The following KPNA3 variants were observed in gnomAD, a reference collection of about 807,000 sequenced individuals.
The protein encoded by KPNA3 is importin subunit alpha-4.
Under a neutral mutation model 73.8 loss-of-function variants are expected in KPNA3, and 13 were observed. The ratio of observed to expected loss-of-function variants is 0.18; its 90% CI spans 0.11 to 0.28. The LOEUF is 0.28. Ranked by LOEUF, KPNA3 falls within the 10% of genes least tolerant of loss-of-function variation. The pLI, the probability that KPNA3 is intolerant of heterozygous loss-of-function variation, is 1.00. For synonymous variants in KPNA3, 186 were observed against 206.9 expected, an observed-to-expected ratio of 0.90 and a Z score of 0.87; for missense variants, 360 against 618.1, an observed-to-expected ratio of 0.58 and a Z score of 4.43.
chr13:49,717,604 T>C (rs1204766904), intron 10 of KPNA3, among the ~76,000 whole-genome samples: 1 of 152,186 alleles, frequency 6.6e-6, no homozygotes, highest in African/African-American at 2.4e-5. Context: ...GAAAATCCTA[T>C]TCATCCTAGT....
chr13:49,770,696 T>C (rs1195537058), intron 1 of KPNA3, among the ~76,000 whole-genome samples: 1 of 152,124 alleles, frequency 6.6e-6, no homozygotes, highest in Non-Finnish European at 1.5e-5. Flanking sequence ...GAGTTGGTTT[T>C]TGCATACTGT....
At chr13:49,741,954 G>A (rs1954578216) in intron 2 of KPNA3, among the ~76,000 whole-genome samples, 1 of 152,074 alleles carries the variant, frequency 6.6e-6, no homozygotes, top group Non-Finnish European at 1.5e-5. Flanking sequence ...GTCATATCCA[G>A]GAAAACATTG....
intron 2 of KPNA3, among the ~76,000 whole-genome samples, chr13:49,735,752 T>G (rs1478235254): frequency 6.6e-6 from 1 of 152,206 alleles, no homozygotes; most frequent in African/African-American, 2.4e-5. Flanking sequence ...CACGTATGCA[T>G]GTATCTACCT....
chr13:49,772,707 G>A (rs889150215), intron 1 of KPNA3, among the ~76,000 whole-genome samples: 3 of 152,174 alleles, frequency 2.0e-5, no homozygotes, highest in African/African-American at 7.2e-5. Flanking sequence ...GGAGGCTGAG[G>A]CAGGAGAATT....
At chr13:49,773,867 G>A (rs865785330) in intron 1 of KPNA3, among the ~76,000 whole-genome samples, 5 of 152,144 alleles carry the variant, frequency 3.3e-5, no homozygotes, top group Non-Finnish European at 1.5e-5. Context: ...AAAGGAAGAA[G>A]TAACCATATT....
chr13:49,706,579 G>T lies in KPNA3; in HGVS notation c.1033-207C>A, dbSNP rs114100746. On this transcript the variant is annotated intron_variant, in intron 12 of 16. Transcript: ENST00000261667. ...ATTATATTTGGGCTCCAATAACCTG[G>T]CATTTATCCATTCATTAATATATAG... Among the ~76,000 whole-genome samples the T allele has an allele frequency of 6.9e-3, 1,049 of 152,046 alleles. 12 individuals are homozygous for T. The highest frequency in any genetic ancestry group is 0.024 in the African/African-American group (1,006 of 41,448).
chr13:49,740,577 A>G (rs1566346565), intron 2 of KPNA3, among the ~76,000 whole-genome samples: 1 of 152,190 alleles, frequency 6.6e-6, no homozygotes, highest in Admixed American at 6.5e-5. Flanking sequence ...GTCTGCTGTC[A>G]TATGGGATGT....
chr13:49,784,858 T>C (rs1188604317), intron 1 of KPNA3, among the ~76,000 whole-genome samples: 2 of 152,154 alleles, frequency 1.3e-5, no homozygotes, highest in Non-Finnish European at 2.9e-5. Flanking sequence ...GTCTGTGCCC[T>C]CAAAAAGCTC....
chr13:49,777,546 G>A (rs566146752), intron 1 of KPNA3, among the ~76,000 whole-genome samples: 1 of 152,128 alleles, frequency 6.6e-6, no homozygotes, highest in South Asian at 2.1e-4. Context: ...ACTCTGTCAC[G>A]TGGGCTGGAG....
In KPNA3 at chr13:49,732,735, T is replaced by G. The variant is rs763822618; in HGVS notation, c.234+12A>C. 6.3e-7 allele frequency: 1 copy of G among 1,587,182 alleles called. No individual in the cohort carries two copies. The highest frequency in any genetic ancestry group is 2.2e-5 in the East Asian group (1 of 44,678). On this transcript the variant is annotated intron_variant, in intron 4 of 16. Transcript: ENST00000261667. ...AATACTTCAAAACGAGAGTATTAATTTAGTAACATACCTGCAATATAGCTT... is the reference window on the plus strand; with the variant it reads ...AATACTTCAAAACGAGAGTATTAATGTAGTAACATACCTGCAATATAGCTT...
chr13:49,718,542 T>C (rs1954325969), intron 10 of KPNA3, among the ~76,000 whole-genome samples: 1 of 152,224 alleles, frequency 6.6e-6, no homozygotes, highest in Admixed American at 6.5e-5. Context: ...ATTTTGCTTA[T>C]TCCCCTTTTA....
chr13:49,759,854 C>T (rs1218525781), intron 1 of KPNA3, among the ~76,000 whole-genome samples: 1 of 152,152 alleles, frequency 6.6e-6, no homozygotes, highest in African/African-American at 2.4e-5. Flanking sequence ...TTGGGGATCC[C>T]TGGTCTAGCT....
intron 1 of KPNA3, among the ~76,000 whole-genome samples, chr13:49,748,368 G>A (rs758313617): frequency 3.2e-4 from 48 of 152,020 alleles, no homozygotes; most frequent in Admixed American, 7.9e-4. Flanking sequence ...GGGAAACACT[G>A]AAATAATATA....
chr13:49,753,931 A>G (rs1453040229), intron 1 of KPNA3, among the ~76,000 whole-genome samples: 1 of 152,250 alleles, frequency 6.6e-6, no homozygotes, highest in Non-Finnish European at 1.5e-5. Flanking sequence ...GAAAAAATAC[A>G]GTATTTAACT....
intron 1 of KPNA3, among the ~76,000 whole-genome samples, chr13:49,775,507 A>G (rs768222959): frequency 2.6e-5 from 4 of 152,148 alleles, no homozygotes; most frequent in Non-Finnish European, 4.4e-5. Flanking sequence ...ATGGCTGTAC[A>G]CTGTCACAAA....
chr13:49,728,127 CG>C (rs536043081), intron 6 of KPNA3, among the ~76,000 whole-genome samples: 124 of 151,112 alleles, frequency 8.2e-4, no homozygotes, highest in Admixed American at 2.2e-3. Context: ...CCCAGCTACT[CG>C]GGAGGCTGAG....
At chr13:49,786,493 T>G (rs1159834509) in intron 1 of KPNA3, among the ~76,000 whole-genome samples, 1 of 151,680 alleles carries the variant, frequency 6.6e-6, no homozygotes, top group Non-Finnish European at 1.5e-5. Context: ...ACTTTTAAAG[T>G]TTTTTTTTGT....
At chr13:49,789,923 T>C (rs1234075726) in intron 1 of KPNA3, among the ~76,000 whole-genome samples, 1 of 152,168 alleles carries the variant, frequency 6.6e-6, no homozygotes, top group Non-Finnish European at 1.5e-5. Context: ...CCAGAGTATC[T>C]TCCCTTTCTG....
intron 6 of KPNA3, among the ~76,000 whole-genome samples, chr13:49,730,459 G>A (rs1405465659): frequency 8.1e-6 from 1 of 124,028 alleles, no homozygotes; most frequent in African/African-American, 3.1e-5. Flanking sequence ...GGCAGACATT[G>A]CAGTGAGCCA....
Sources: allele counts gnomAD v4.1 joint callset (sites outside exome capture counted in the v4.1 genomes callset), GRCh38; gene constraint gnomAD v4.1.1; transcripts MANE v1.5; gene names NCBI Gene and HGNC (gene_info 2026-07-23, HGNC 2026-07-21).